PRKAG2: variants seen among roughly 807,000 people sequenced by gnomAD.
The protein encoded by PRKAG2 is 5'-AMP-activated protein kinase subunit gamma-2.
In PRKAG2, 26 loss-of-function variants were observed where a neutral mutation model predicts 69.6. The ratio of observed to expected loss-of-function variants is 0.37; its 90% confidence interval spans 0.27 to 0.52. The LOEUF is 0.52. Among genes scored for constraint, PRKAG2 ranks in the 20% least tolerant of loss-of-function variants. The pLI is 0.90. For synonymous variants in PRKAG2, 293 were observed against 285.0 expected (o/e 1.03, Z -0.28); for missense variants, 557 against 740.0 (o/e 0.75, Z 2.87).
intron 3 of PRKAG2, among the ~76,000 whole-genome samples, chr7:151,766,203 C>T (rs1365887592): frequency 2.6e-5 from 4 of 152,206 alleles, no homozygotes; most frequent in Non-Finnish European, 5.9e-5. Flanking sequence ...ATGCGCTGCA[C>T]GAGGACTCGG....
intron 3 of PRKAG2, among the ~76,000 whole-genome samples, chr7:151,711,470 A>G (rs1795313414): frequency 6.6e-6 from 1 of 152,228 alleles, no homozygotes; most frequent in African/African-American, 2.4e-5. Flanking sequence ...TAACAGTGCT[A>G]GGCTTAGTAG....
At chr7:151,874,880 C>A (rs1236835143) in intron 1 of PRKAG2, among the ~76,000 whole-genome samples, 2 of 152,054 alleles carry the variant, frequency 1.3e-5, no homozygotes, top group African/African-American at 2.4e-5. Context: ...CAGAGTGACA[C>A]CCTGACTCAA....
chr7:151,854,770 A>G (rs1267502019), intron 1 of PRKAG2, among the ~76,000 whole-genome samples: 2 of 152,114 alleles, frequency 1.3e-5, no homozygotes, highest in African/African-American at 4.8e-5. Context: ...ATTCTCACAC[A>G]ACGGCCTCAA....
At chr7:151,736,267 T>G in intron 3 of PRKAG2, 1 of 1,304,716 alleles carries the variant, frequency 7.7e-7, no homozygotes. Flanking sequence ...CCACAGCAGC[T>G]GGAGCGTCAG....
intron 1 of PRKAG2, among the ~76,000 whole-genome samples, chr7:151,867,753 T>C (rs1018061610): frequency 6.6e-6 from 1 of 152,218 alleles, no homozygotes; most frequent in African/African-American, 2.4e-5. Context: ...ACGAGTTGAC[T>C]GGTTTCTGGT....
chr7:151,802,637 C>G (rs1195656552), intron 1 of PRKAG2, among the ~76,000 whole-genome samples: 1 of 152,176 alleles, frequency 6.6e-6, no homozygotes, highest in African/African-American at 2.4e-5. Context: ...TATCTGTGTG[C>G]CCAGCCTAGA....
At position 151,556,803 on chromosome 7, in the gene PRKAG2, G is replaced by T. The variant is rs1232386894; in HGVS notation, c.*398C>A. The T allele has an allele frequency of 1.0e-5, 2 of 198,158 alleles. No homozygotes were observed. Among genetic ancestry groups the T allele is most frequent in the East Asian group, 1.4e-4 (1 of 7,274 alleles). The allele number at this position is 198,158 out of a possible 1,614,324, so 12.3% of individuals were successfully genotyped here. A position where few individuals can be genotyped will look rare whatever the true frequency, so the allele number is the denominator to read the frequency against. ...GCTCGGTGTTGTTTCACACGCGTGC[G>T]CCCCGGCTGCGGCGGTGACATATTG... On this transcript the variant is annotated 3_prime_UTR_variant, in exon 16 of 16. Transcript: ENST00000287878.
intron 1 of PRKAG2, among the ~76,000 whole-genome samples, chr7:151,832,396 G>A (rs1476231006): frequency 6.6e-6 from 1 of 152,142 alleles, no homozygotes; most frequent in Non-Finnish European, 1.5e-5. Flanking sequence ...CTTCTGGGCA[G>A]TGTTCACAGT....
chr7:151,783,282 G>A (rs1036211203), intron 2 of PRKAG2, among the ~76,000 whole-genome samples: 3 of 152,242 alleles, frequency 2.0e-5, no homozygotes, highest in Non-Finnish European at 4.4e-5. Flanking sequence ...GAAGAAGAGT[G>A]TGGTGCTATA....
rs1365951476 is a variant in PRKAG2, at chr7:151,557,891, C to A, written c.1679-659G>T. The A allele has an allele frequency of 1.2e-4, 118 of 970,258 alleles. 1 individual carries two copies. The African/African-American group carries it at 1.4e-3, about 11-fold the overall frequency. The allele number at this position is 970,258 out of a possible 1,614,324, so 60.1% of individuals were successfully genotyped here. On this transcript the variant is annotated intron_variant, in intron 15 of 15. Transcript: ENST00000287878. ...CCGTCTCAAATAAAAAAAAAAAAAA[C>A]AAAAAAACAAAAAAAAAACCTTTAT... is the stretch of plus-strand genomic sequence containing the variant.
chr7:151,594,063 C>A (rs1813854667), intron 6 of PRKAG2, among the ~76,000 whole-genome samples: 1 of 152,090 alleles, frequency 6.6e-6, no homozygotes, highest in South Asian at 2.1e-4. Context: ...TCTAAAGGGC[C>A]TGGTGGAGCA....
At chr7:151,630,805 T>C (rs915523826) in intron 5 of PRKAG2, among the ~76,000 whole-genome samples, 3 of 152,198 alleles carry the variant, frequency 2.0e-5, no homozygotes, top group Admixed American at 6.5e-5. Flanking sequence ...AACTGAGGAA[T>C]AGTGAGATGG....
rs1333531992 is a variant in PRKAG2, at chr7:151,788,500, A to T, written c.115-1959T>A. ...TCTTGTTTGGAGAAATGTCTATTCAACTCCTTTGCCCATTTTTTAATTGGG... is the reference window on the plus strand; with the variant it reads ...TCTTGTTTGGAGAAATGTCTATTCATCTCCTTTGCCCATTTTTTAATTGGG... On this transcript the variant is annotated intron_variant, in intron 1 of 15. Transcript: ENST00000287878. The surrounding 1 kb of genome is among the most constrained non-coding windows in gnomAD (Gnocchi z 4.6). Among the ~76,000 whole-genome samples the T allele has an allele frequency of 6.6e-6, 1 of 151,362 alleles. No homozygotes were observed. The highest frequency in any genetic ancestry group is 1.5e-5 in the Non-Finnish European group (1 of 67,816).
intron 6 of PRKAG2, among the ~76,000 whole-genome samples, chr7:151,590,871 T>C (rs528686971): frequency 2.6e-4 from 39 of 152,340 alleles, no homozygotes; most frequent in African/African-American, 8.9e-4. Flanking sequence ...AATTGTTCAT[T>C]AACATTTTGT....
intron 3 of PRKAG2, among the ~76,000 whole-genome samples, chr7:151,709,870 TGA>T (rs1839284378): frequency 1.3e-5 from 2 of 151,836 alleles, no homozygotes; most frequent in South Asian, 4.2e-4. Context: ...ACGAGTGACG[TGA>T]GACTGACATT....
intron 5 of PRKAG2, among the ~76,000 whole-genome samples, chr7:151,629,281 T>C (rs1377144551): frequency 6.6e-6 from 1 of 152,118 alleles, no homozygotes; most frequent in Non-Finnish European, 1.5e-5. Flanking sequence ...GAGGGGTCTG[T>C]GAACCGGCAG....
Position 151,756,721 on chromosome 7 carries a change from G to A in PRKAG2, c.466+24431C>T, listed in dbSNP as rs2075117754. On this transcript the variant is annotated intron_variant, in intron 3 of 15. Coordinates refer to ENST00000287878, the MANE Select transcript of PRKAG2 (RefSeq NM_016203.4). The surrounding 1 kb of genome is among the most constrained non-coding windows in gnomAD (Gnocchi z 4.9). ...CCTCTTCCCTTCTCCCACCTGGGGT[G>A]GGAAAGGATTTTCCTTACTCATCGG... Among the ~76,000 whole-genome samples, 1 of 152,124 alleles carries A rather than the reference G, an allele frequency of 6.6e-6. No individual in the cohort carries two copies. Among genetic ancestry groups the A allele is most frequent in the Non-Finnish European group, 1.5e-5 (1 of 68,018 alleles).
At chr7:151,657,115 C>T (rs377527169) in intron 4 of PRKAG2, among the ~76,000 whole-genome samples, 4 of 146,934 alleles carry the variant, frequency 2.7e-5, no homozygotes, top group Non-Finnish European at 5.9e-5. Flanking sequence ...CCAGCCTGGG[C>T]GACACAGTGA....
chr7:151,594,898 A>C (rs998387252), intron 6 of PRKAG2, among the ~76,000 whole-genome samples: 5 of 152,122 alleles, frequency 3.3e-5, no homozygotes, highest in Non-Finnish European at 7.3e-5. Context: ...TCCTGGGTTC[A>C]AGCGACTCTC....
Sources: allele counts gnomAD v4.1 joint callset (sites outside exome capture counted in the v4.1 genomes callset), GRCh38; gene constraint gnomAD v4.1.1; non-coding constraint Gnocchi (gnomAD v3.1); transcripts MANE v1.5; gene names NCBI Gene and HGNC (gene_info 2026-07-23, HGNC 2026-07-21).